The following CNTN3 variants were observed in gnomAD, a reference collection of about 807,000 sequenced individuals.
CNTN3 encodes contactin-3.
Under a neutral mutation model 119.1 loss-of-function variants are expected in CNTN3, and 60 were observed. That is an observed-to-expected ratio of 0.50 (90% confidence interval 0.41 to 0.62). The LOEUF (loss-of-function observed/expected upper bound fraction) is 0.62. Among genes scored for constraint, CNTN3 ranks in the 20% least tolerant of loss-of-function variants. The pLI is 0.00. For missense variants in CNTN3, 1,101 were observed against 1,242.4 expected (o/e 0.89, Z 1.71); for synonymous variants, 450 against 438.7 (o/e 1.03, Z -0.32).
At chr3:74,422,208 G>A (rs896512430) in intron 5 of CNTN3, among the ~76,000 whole-genome samples, 29 of 152,110 alleles carry the variant, frequency 1.9e-4, no homozygotes, top group African/African-American at 5.8e-4. Flanking sequence ...GAATACCTCC[G>A]CATTACAGAC....
chr3:74,273,778 G>T (rs749965717), intron 20 of CNTN3, among the ~76,000 whole-genome samples: 10 of 152,200 alleles, frequency 6.6e-5, no homozygotes, highest in Non-Finnish European at 1.5e-4. Context: ...GCTGAACTTT[G>T]TAACTATTTT....
chr3:74,279,604 G>A (rs994236494), intron 20 of CNTN3, among the ~76,000 whole-genome samples: 6 of 150,850 alleles, frequency 4.0e-5, no homozygotes, highest in Admixed American at 2.0e-4. Flanking sequence ...ACGCAAAGGC[G>A]TAAGAATGAT....
At chr3:74,374,406 T>A (rs1417930045) in intron 5 of CNTN3, among the ~76,000 whole-genome samples, 1 of 152,024 alleles carries the variant, frequency 6.6e-6, no homozygotes, top group Non-Finnish European at 1.5e-5. Context: ...AGTAACAGAC[T>A]CTCCTCTGTA....
intron 2 of CNTN3, among the ~76,000 whole-genome samples, chr3:74,510,881 A>G (rs1703352155): frequency 6.6e-6 from 1 of 152,038 alleles, no homozygotes; most frequent in Admixed American, 6.6e-5. Context: ...CACATTCCAC[A>G]TCTCGGTCCC....
intron 1 of CNTN3, among the ~76,000 whole-genome samples, chr3:74,595,365 G>A (rs1212752167): frequency 6.6e-6 from 1 of 151,728 alleles, no homozygotes; most frequent in African/African-American, 2.4e-5. Context: ...TGAAGTCCTT[G>A]CCCATGCCTA....
rs542792860 is a variant in CNTN3, at chr3:74,266,097, A to C, written c.2986+384T>G. 1.6e-4 allele frequency among the ~76,000 whole-genome samples: 25 copies of C among 152,268 alleles called. No homozygotes were observed. In the South Asian group the frequency reaches 3.1e-3, roughly 19 times the overall value. ...ACAATGTTAATCATTCTATTTAAAGAATTGATAAGATTTATCTATAATTTG... is the reference window on the plus strand; with the variant it reads ...ACAATGTTAATCATTCTATTTAAAGCATTGATAAGATTTATCTATAATTTG... On this transcript the variant is annotated intron_variant, in intron 22 of 22. Coordinates refer to ENST00000263665, the MANE Select transcript of CNTN3 (RefSeq NM_020872.3).
At chr3:74,607,516 G>A (rs1233801644) in intron 1 of CNTN3, among the ~76,000 whole-genome samples, 8 of 152,156 alleles carry the variant, frequency 5.3e-5, no homozygotes, top group African/African-American at 1.9e-4. Flanking sequence ...TCCTGCCCAA[G>A]CCTGACCACA....
chr3:74,313,542 G>A (rs1702753859), intron 13 of CNTN3, among the ~76,000 whole-genome samples: 1 of 152,156 alleles, frequency 6.6e-6, no homozygotes, highest in African/African-American at 2.4e-5. Flanking sequence ...TGCTTGCTTA[G>A]AAATCACTGA....
At chr3:74,601,174 G>A (rs1266539006) in intron 1 of CNTN3, among the ~76,000 whole-genome samples, 2 of 151,920 alleles carry the variant, frequency 1.3e-5, no homozygotes, top group East Asian at 3.9e-4. Flanking sequence ...GTTTTGCTAA[G>A]GGCCTGGCCT....
At chr3:74,305,105 T>C (rs1024824489) in intron 13 of CNTN3, among the ~76,000 whole-genome samples, 4 of 152,344 alleles carry the variant, frequency 2.6e-5, no homozygotes, top group Non-Finnish European at 5.9e-5. Flanking sequence ...GGCCCATGCT[T>C]TCTAGGATGT....
chr3:74,439,966 T>C (rs115535068), intron 4 of CNTN3, among the ~76,000 whole-genome samples: 3,504 of 152,210 alleles, frequency 0.023, 122 homozygotes, highest in African/African-American at 0.075. Flanking sequence ...CAACTAGGAA[T>C]AACACCTACC....
intron 19 of CNTN3, among the ~76,000 whole-genome samples, chr3:74,287,497 T>C (rs1447672160): frequency 6.6e-6 from 1 of 152,212 alleles, no homozygotes; most frequent in East Asian, 1.9e-4. Context: ...AAAAGAATTA[T>C]GTTCATACTA....
At chr3:74,435,724 C>A (rs1352664735) in intron 4 of CNTN3, among the ~76,000 whole-genome samples, 1 of 152,124 alleles carries the variant, frequency 6.6e-6, no homozygotes, top group Non-Finnish European at 1.5e-5. Context: ...ATTAACTTTG[C>A]ATTTTCTAGA....
chr3:74,397,082 T>C (rs1490951864), intron 5 of CNTN3, among the ~76,000 whole-genome samples: 1 of 152,186 alleles, frequency 6.6e-6, no homozygotes, highest in Non-Finnish European at 1.5e-5. Flanking sequence ...GCTGACTCTC[T>C]TGTTAGGAAC....
chr3:74,316,739 C>T (rs1702839182), intron 13 of CNTN3, among the ~76,000 whole-genome samples: 1 of 151,946 alleles, frequency 6.6e-6, no homozygotes. Flanking sequence ...TACTGGCTAA[C>T]ACGGTGAAAC....
chr3:74,279,195 G>C (rs1701943421), intron 20 of CNTN3, among the ~76,000 whole-genome samples: 2 of 152,164 alleles, frequency 1.3e-5, no homozygotes, highest in African/African-American at 2.4e-5. Context: ...GTGGAAAACA[G>C]TGTGGAGATT....
chr3:74,508,739 C>T (rs1417566198), intron 2 of CNTN3, among the ~76,000 whole-genome samples: 1 of 152,130 alleles, frequency 6.6e-6, no homozygotes. Flanking sequence ...TAAACTACTA[C>T]TATGTTCATA....
Position 74,534,124 on chromosome 3 carries a change from A to G in CNTN3, c.-80-12932T>C, listed in dbSNP as rs375233873. 2.0e-5 allele frequency among the ~76,000 whole-genome samples: 3 copies of G among 152,152 alleles called. 1 individual carries two copies. The highest frequency in any genetic ancestry group is 2.0e-4 in the Admixed American group (3 of 15,268). On this transcript the variant is annotated intron_variant, in intron 1 of 22. Coordinates refer to ENST00000263665, the MANE Select transcript of CNTN3 (RefSeq NM_020872.3). ...AGAAAGGACACACTTCATCCTTCAC[A>G]TGTTCTGCTCTCATACAACCAGGAG... is the stretch of plus-strand genomic sequence containing the variant.
rs1414831368 is a variant in CNTN3 at position 74,387,719 on chromosome 3, C to T, written c.455-16320G>A. ...CTTAAGTCGTGGAAATATCTCATCA[C>T]CTCCCTATGGGGCTAGAGAGAACTT... On this transcript the variant is annotated intron_variant, in intron 5 of 22. Transcript: ENST00000263665. 1.3e-5 allele frequency among the ~76,000 whole-genome samples: 2 copies of T among 152,210 alleles called. 1 individual carries two copies. Among genetic ancestry groups the T allele is most frequent in the African/African-American group, 4.8e-5 (2 of 41,456 alleles).
Sources: gnomAD v4.1 joint callset for allele counts (sites outside exome capture counted in the v4.1 genomes callset) on GRCh38, gnomAD v4.1.1 for gene constraint, MANE v1.5 for transcripts, NCBI Gene and HGNC (gene_info 2026-07-23, HGNC 2026-07-21) for gene names.